The following RIC8B variants were observed in gnomAD, a reference collection of about 807,000 sequenced individuals.
RIC8B encodes the protein chaperone Ric-8B.
In RIC8B, 16 loss-of-function variants were observed where a neutral mutation model predicts 57.5. That is an observed-to-expected ratio of 0.28 (90% CI 0.19 to 0.42). RIC8B has a LOEUF of 0.42. Ranked by LOEUF, RIC8B falls within the 10% of genes least tolerant of loss-of-function variation. The probability of loss-of-function intolerance (pLI) is 1.00; values close to 1 mark genes in which losing one functional copy is unlikely to be tolerated. For synonymous variants in RIC8B, 216 were observed against 250.8 expected (o/e 0.86, Z 1.31); for missense variants, 481 against 677.0 (o/e 0.71, Z 3.21).
At chr12:106,778,093 G>A (rs2043574232) in intron 1 of RIC8B, among the ~76,000 whole-genome samples, 1 of 152,186 alleles carries the variant, frequency 6.6e-6, no homozygotes, top group East Asian at 1.9e-4. Flanking sequence ...TGCCACTGAG[G>A]AGGCACCCCA....
intron 9 of RIC8B, among the ~76,000 whole-genome samples, chr12:106,884,888 A>T (rs1317396244): frequency 6.6e-6 from 1 of 152,140 alleles, no homozygotes. Context: ...CCTCCATCCA[A>T]ATCCCACCAA....
intron 2 of RIC8B, among the ~76,000 whole-genome samples, chr12:106,786,663 A>C (rs2136177683): frequency 6.6e-6 from 1 of 152,346 alleles, no homozygotes; most frequent in African/African-American, 2.4e-5. Flanking sequence ...GAAACATTGT[A>C]CATAATAGCA....
At chr12:106,778,146 T>G (rs2043576027) in intron 1 of RIC8B, among the ~76,000 whole-genome samples, 2 of 152,232 alleles carry the variant, frequency 1.3e-5, no homozygotes, top group South Asian at 4.1e-4. Flanking sequence ...TGGCATGAGT[T>G]GGGATAGCAC....
At chr12:106,834,845 G>A (rs1224633843) in intron 4 of RIC8B, among the ~76,000 whole-genome samples, 5 of 151,704 alleles carry the variant, frequency 3.3e-5, no homozygotes, top group East Asian at 1.9e-4. Flanking sequence ...TCAGCCAGGT[G>A]TGGTGGCGGG....
At chr12:106,801,546 A>G (rs1467396574) in intron 2 of RIC8B, among the ~76,000 whole-genome samples, 1 of 152,190 alleles carries the variant, frequency 6.6e-6, no homozygotes, top group African/African-American at 2.4e-5. Context: ...TCATAGAGAC[A>G]GTATCCATTA....
At chr12:106,815,360 C>T in intron 3 of RIC8B, 56 bp downstream of exon 3, 1 of 1,501,242 alleles carries the variant, frequency 6.7e-7, no homozygotes, top group Non-Finnish European at 8.9e-7. Flanking sequence ...CTGGGACATC[C>T]CTAGAGTTTC....
In RIC8B at chr12:106,867,627, G is replaced by A. The variant is rs1023982658; in HGVS notation, c.1452-3196G>A. On this transcript the variant is annotated intron_variant, in intron 8 of 9. Transcript: ENST00000392837. The surrounding 1 kb of genome is among the most constrained non-coding windows in gnomAD (Gnocchi z 4.3). ...CTATTTTATGAAATCTCACGTCTTT[G>A]TTGTCACAATGGCTATTATTTGTTT... 2.0e-5 allele frequency among the ~76,000 whole-genome samples: 3 copies of A among 152,244 alleles called. No individual in the cohort carries two copies. The highest frequency in any genetic ancestry group is 4.2e-4 in the South Asian group (2 of 4,818).
rs532222018 is a variant in RIC8B, at chr12:106,863,461, C to G, written c.1451+3049C>G. 2.2e-4 allele frequency among the ~76,000 whole-genome samples: 33 copies of G among 152,176 alleles called. No individual in the cohort carries two copies. In the East Asian group the frequency reaches 4.4e-3, roughly 20 times the overall value. On this transcript the variant is annotated intron_variant, in intron 8 of 9. Coordinates refer to ENST00000392837, the MANE Select transcript of RIC8B (RefSeq NM_001330145.2). ...AGTTTCTTCAGCACAAGGCAAGATA[C>G]TTTTTCTTTTATTTGTCAAGATTTT...
At chr12:106,787,556 G>C (rs2044088633) in intron 2 of RIC8B, among the ~76,000 whole-genome samples, 1 of 152,142 alleles carries the variant, frequency 6.6e-6, no homozygotes, top group Non-Finnish European at 1.5e-5. Context: ...AAGAAAAAGA[G>C]GTTTAATTGG....
rs886858441 is a variant in RIC8B, at chr12:106,888,306, T to A, written c.*2291T>A. On this transcript the variant is annotated 3_prime_UTR_variant, in exon 10 of 10. Transcript: ENST00000392837. ...AAAAGAGAGTTTGCGGGGAAGAAGA[T>A]GAGAGTGTCTTCATCTGGCACACAG... 6.6e-6 allele frequency: 1 copy of A among 152,248 alleles called. No homozygotes were observed. The highest frequency in any genetic ancestry group is 1.5e-5 in the Non-Finnish European group (1 of 68,056). 9.4% of individuals were successfully genotyped at this position (152,248 alleles called of 1,614,324 possible).
At chr12:106,826,855 A>AG (rs1447993214) in intron 4 of RIC8B, among the ~76,000 whole-genome samples, 1 of 152,214 alleles carries the variant, frequency 6.6e-6, no homozygotes, top group African/African-American at 2.4e-5. Flanking sequence ...TGGGAGGCTG[A>AG]GGCGGGCAGA....
intron 3 of RIC8B, among the ~76,000 whole-genome samples, chr12:106,817,713 T>A (rs1338072624): frequency 2.0e-5 from 3 of 151,212 alleles, no homozygotes; most frequent in Admixed American, 6.6e-5. Flanking sequence ...TAGTCCCAGC[T>A]ATTCGGGAGG....
Position 106,823,191 on chromosome 12 carries a change from G to A in RIC8B, c.742-2535G>A, listed in dbSNP as rs868859837. On this transcript the variant is annotated intron_variant, in intron 3 of 9. Coordinates refer to ENST00000392837, the MANE Select transcript of RIC8B (RefSeq NM_001330145.2). ...AGTAGATTAGTGGAGGAAACAAAGT[G>A]TATGCAAGTAAACAAATGTGAAATT... 2.9e-4 allele frequency: 75 copies of A among 262,916 alleles called. 1 individual carries two copies. In the Middle Eastern group the frequency reaches 0.01, roughly 35 times the overall value. The allele number at this position is 262,916 out of a possible 1,614,324, so 16.3% of individuals were successfully genotyped here.
At chr12:106,854,109 T>G (rs1949614971) in intron 7 of RIC8B, among the ~76,000 whole-genome samples, 1 of 152,106 alleles carries the variant, frequency 6.6e-6, no homozygotes, top group Non-Finnish European at 1.5e-5. Flanking sequence ...TGCTACTATT[T>G]AGCAGCGACT....
At chr12:106,825,950 C>A in intron 4 of RIC8B, 130 bp downstream of exon 4, 1 of 623,284 alleles carries the variant, frequency 1.6e-6, no homozygotes, top group Non-Finnish European at 2.9e-6. Context: ...ACTGGTAGGT[C>A]AGAAATCATT....
At chr12:106,875,942 C>A (rs1950643043) in intron 9 of RIC8B, among the ~76,000 whole-genome samples, 2 of 150,508 alleles carry the variant, frequency 1.3e-5, no homozygotes, top group South Asian at 2.2e-4. Flanking sequence ...ATAACAAATA[C>A]ATAGTTTTTT....
intron 9 of RIC8B, among the ~76,000 whole-genome samples, chr12:106,876,285 C>A (rs1268021662): frequency 1.3e-5 from 2 of 151,956 alleles, no homozygotes; most frequent in Non-Finnish European, 2.9e-5. Context: ...AGTAAAATAT[C>A]TCATTATTTG....
chr12:106,816,933 T>A (rs1273697661), intron 3 of RIC8B, among the ~76,000 whole-genome samples: 4 of 152,202 alleles, frequency 2.6e-5, no homozygotes, highest in African/African-American at 9.7e-5. Context: ...CTGGAGCAGG[T>A]ATCTCTGACC....
At chr12:106,783,615 T>C (rs2043864976) in intron 1 of RIC8B, among the ~76,000 whole-genome samples, 2 of 152,352 alleles carry the variant, frequency 1.3e-5, no homozygotes, top group South Asian at 4.1e-4. Flanking sequence ...GTTGCTTATT[T>C]CACAAATATA....
Sources: gnomAD v4.1 joint callset for allele counts (sites outside exome capture counted in the v4.1 genomes callset) on GRCh38, gnomAD v4.1.1 for gene constraint, Gnocchi (gnomAD v3.1) non-coding constraint, MANE v1.5 for transcripts, NCBI Gene and HGNC (gene_info 2026-07-23, HGNC 2026-07-21) for gene names.